PMS2: variants seen among roughly 807,000 people sequenced by gnomAD.
The protein encoded by PMS2 is mismatch repair endonuclease PMS2.
PMS2 carries 69 observed loss-of-function variants against 90.0 expected under a neutral mutation model. That is an observed-to-expected ratio of 0.77 (90% CI 0.63 to 0.94). The LOEUF is 0.94. PMS2 is among the 40% of genes least tolerant of loss of function. The probability of loss-of-function intolerance (pLI) is 0.00; values close to 1 mark genes in which losing one functional copy is unlikely to be tolerated. For missense variants in PMS2, 966 were observed against 1,040.2 expected (o/e 0.93, Z 0.98); for synonymous variants, 332 against 375.1 (o/e 0.89, Z 1.33).
chr7:5,991,732 G>C (rs1438364687), intron 9 of PMS2, among the ~76,000 whole-genome samples: 2 of 151,920 alleles, frequency 1.3e-5, no homozygotes, highest in Admixed American at 1.3e-4. Context: ...CCAGCTACTT[G>C]GGAGGCTGAG....
intron 5 of PMS2, 82 bp downstream of exon 5, chr7:6,002,371 C>A (rs1785176676): frequency 2.2e-6 from 2 of 900,266 alleles, no homozygotes; most frequent in African/African-American, 1.6e-5. Flanking sequence ...AGAGAATCAA[C>A]TGAAGAATAA....
intron 5 of PMS2, among the ~76,000 whole-genome samples, chr7:6,001,784 G>A (rs562960757): frequency 6.6e-6 from 1 of 151,632 alleles, no homozygotes; most frequent in Non-Finnish European, 1.5e-5. Flanking sequence ...AGGAATTCGA[G>A]ACCAGCCTGG....
At chr7:5,999,866 C>A (rs561535818) in intron 5 of PMS2, among the ~76,000 whole-genome samples, 94 of 152,174 alleles carry the variant, frequency 6.2e-4, no homozygotes, top group Non-Finnish European at 1.1e-3. Context: ...TGAAATGTAT[C>A]TTCGTATAAT....
intron 11 of PMS2, among the ~76,000 whole-genome samples, chr7:5,986,249 T>C (rs1245689719): frequency 2.0e-5 from 3 of 150,772 alleles, no homozygotes; most frequent in African/African-American, 7.3e-5. Flanking sequence ...GCCCAGCCAA[T>C]TTTATTGTAG....
Position 5,997,436 on chromosome 7 carries a change from A to G in PMS2, c.706-13T>C, listed in dbSNP as rs730881918. On this transcript the variant is annotated splice_polypyrimidine_tract_variant and intron_variant, in intron 6 of 14. Transcript: ENST00000265849. The stretch of plus-strand genomic sequence containing the variant: ...TGAGGCTTTGCAACTGAAAAAAAAA[A>G]AAAAAAATTCACAGTTACTTCCTAA... 15 of 1,505,134 alleles carry G rather than the reference A, an allele frequency of 1.0e-5. No homozygotes were observed. Among genetic ancestry groups the G allele is most frequent in the Admixed American group, 1.7e-5 (1 of 58,246 alleles). The allele number at this position is 1,505,134 out of a possible 1,614,324, so 93.2% of individuals were successfully genotyped here. A position where few individuals can be genotyped will look rare whatever the true frequency, so the allele number is the denominator to read the frequency against.
chr7:5,998,116 C>G (rs985447452), intron 6 of PMS2, among the ~76,000 whole-genome samples: 3 of 145,850 alleles, frequency 2.1e-5, no homozygotes, highest in South Asian at 4.4e-4. Flanking sequence ...GTGTCTTGCT[C>G]TCTCGCCCAG....
At position 5,987,592 on chromosome 7, in the gene PMS2, A is replaced by G. The variant is rs1236098218; in HGVS notation, c.1173T>C (p.Asp391=). The change falls in exon 11 of 15, where the codon GAT becomes GAC. Residue 391 remains aspartate, a synonymous_variant. Transcript: ENST00000265849. The stretch of plus-strand genomic sequence containing the variant: ...GCTTTTCTACCATGGGCTTTTCCAA[A>G]TCCGCTGCATGCATTTTTATTAAGT... ...EGNLIKMHAA[D]LEKPMVEKQD... 6.2e-7 allele frequency: 1 copy of G among 1,606,230 alleles called. No homozygotes were observed. The highest frequency in any genetic ancestry group is 1.1e-5 in the South Asian group (1 of 90,972).
intron 1 of PMS2, among the ~76,000 whole-genome samples, chr7:6,008,381 T>C (rs554268167): frequency 2.0e-5 from 3 of 152,264 alleles, no homozygotes; most frequent in South Asian, 4.1e-4. Context: ...TAGAAACGTA[T>C]TGCATTTTTA....
At chr7:5,991,895 C>T (rs267608155) in intron 9 of PMS2, 78 bp downstream of exon 9, 1 of 807,986 alleles carries the variant, frequency 1.2e-6, no homozygotes, top group Non-Finnish European at 2.2e-6. Context: ...TCATTCCAGT[C>T]ATAGCAGAGC....
intron 3 of PMS2, 59 bp downstream of exon 3, chr7:6,003,913 A>C (rs1052029390): frequency 6.2e-5 from 82 of 1,319,044 alleles, no homozygotes; most frequent in Non-Finnish European, 8.1e-5. Flanking sequence ...AGTGTTACTC[A>C]AAATTCTGAG....
At chr7:5,997,659 G>A (rs1043638389) in intron 6 of PMS2, among the ~76,000 whole-genome samples, 3 of 151,968 alleles carry the variant, frequency 2.0e-5, no homozygotes, top group African/African-American at 7.3e-5. Flanking sequence ...ATCCTCCTGC[G>A]TCAGCCTGTC....
intron 8 of PMS2, among the ~76,000 whole-genome samples, chr7:5,992,961 A>G (rs2128760866): frequency 6.6e-6 from 1 of 152,378 alleles, no homozygotes; most frequent in South Asian, 2.1e-4. Flanking sequence ...GAAATAAACC[A>G]AAATATCACA....
Position 5,999,394 on chromosome 7 carries a change from C to G in PMS2, c.538-119G>C, listed in dbSNP as rs565993714. 4.2e-4 allele frequency: 370 copies of G among 886,876 alleles called. 2 individuals are homozygous for G. Among genetic ancestry groups the G allele is most frequent in the South Asian group, 1.6e-3 (116 of 73,388 alleles). 54.9% of individuals were successfully genotyped at this position (886,876 alleles called of 1,614,324 possible). A position where few individuals can be genotyped will look rare whatever the true frequency, so the allele number is the denominator to read the frequency against. On this transcript the variant is annotated intron_variant, in intron 5 of 14. Transcript: ENST00000265849. Reference sequence around the variant, plus strand: ...ATCATCGCACAAATCAAGGGAAGCACTGTTGACAGAATGATCTGTAAAGAG... The same window carrying G: ...ATCATCGCACAAATCAAGGGAAGCAGTGTTGACAGAATGATCTGTAAAGAG...
chr7:5,988,958 C>G (rs938639776), intron 10 of PMS2, among the ~76,000 whole-genome samples: 3 of 152,120 alleles, frequency 2.0e-5, no homozygotes, highest in African/African-American at 7.2e-5. Flanking sequence ...CGGGTTCACG[C>G]CATTCTCCTG....
rs876660330 is a variant in PMS2 at position 5,999,247 on chromosome 7, T to C, written c.566A>G (p.His189Arg). 13 of 1,614,054 alleles carry C rather than the reference T, an allele frequency of 8.1e-6. No individual in the cohort carries two copies. Among genetic ancestry groups the C allele is most frequent in the African/African-American group, 4.0e-5 (3 of 75,024 alleles). ...GCCTGCTGAAATGATACAGTATGCA[T>C]GTAAGACCTGGACCATTTTGGCATA... The part of the protein sequence containing the change: ...KEYAKMVQVL[H>R]AYCIISAGIR... The change falls in exon 6 of 15, where the codon CAT becomes CGT. Residue 189 changes from histidine (H) to arginine (R), a missense_variant. Physicochemically the swap from His to Arg is conservative, Grantham distance 29. Around this residue, in one of 2 missense-constraint regions of PMS2, gnomAD observed 871 missense variants for 802.4 expected, o/e 1.09. Coordinates refer to ENST00000265849, the MANE Select transcript of PMS2 (RefSeq NM_000535.7).
In PMS2 at chr7:6,003,664, G is replaced by A. The variant is rs774190342; in HGVS notation, c.353+26C>T. 2.2e-5 allele frequency: 27 copies of A among 1,223,188 alleles called. 1 individual carries two copies. Among genetic ancestry groups the A allele is most frequent in the Non-Finnish European group, 1.9e-5 (16 of 838,574 alleles). 75.8% of individuals were successfully genotyped at this position (1,223,188 alleles called of 1,614,324 possible). A position where few individuals can be genotyped will look rare whatever the true frequency, so the allele number is the denominator to read the frequency against. On this transcript the variant is annotated intron_variant, in intron 4 of 14. Coordinates refer to ENST00000265849, the MANE Select transcript of PMS2 (RefSeq NM_000535.7). ...CAGAGAGGTTTCTCTAAGGGGTCAA[G>A]TGAGTGGATAAAAATATTGTATCAC...
intron 12 of PMS2, among the ~76,000 whole-genome samples, chr7:5,978,961 G>C (rs80044764): frequency 6.7e-6 from 1 of 148,884 alleles, no homozygotes; most frequent in East Asian, 2.0e-4. Context: ...TTAGGAGCCC[G>C]AGGCAGGCAG....
intron 2 of PMS2, among the ~76,000 whole-genome samples, chr7:6,004,760 T>G (rs890707745): frequency 3.3e-5 from 5 of 151,590 alleles, no homozygotes; most frequent in African/African-American, 1.2e-4. Context: ...TCAGACTTCC[T>G]GGATCCTATT....
chr7:5,996,590 A>AAAAT lies in PMS2; in HGVS notation c.803+735_803+736insATTT, dbSNP rs56858711. ...CCATCTCAAAGCTAAAAAAAAAAAA[A>AAAAT]ATATATATATATATATATATATACA... On this transcript the variant is annotated intron_variant, in intron 7 of 14. Coordinates refer to ENST00000265849, the MANE Select transcript of PMS2 (RefSeq NM_000535.7). 2.6e-3 allele frequency among the ~76,000 whole-genome samples: 284 copies of AAAAT among 110,106 alleles called. 2 individuals carry two copies. In the East Asian group the frequency reaches 0.03, roughly 11 times the overall value. 72.2% of individuals were successfully genotyped at this position (110,106 alleles called of 152,430 possible).
Sources: allele counts gnomAD v4.1 joint callset (sites outside exome capture counted in the v4.1 genomes callset), GRCh38; gene constraint gnomAD v4.1.1; regional missense constraint gnomAD v4.1.1; transcripts MANE v1.5; gene names NCBI Gene and HGNC (gene_info 2026-07-23, HGNC 2026-07-21).